ASB10: variants seen among roughly 807,000 people sequenced by gnomAD.
ASB10 encodes ankyrin repeat and SOCS box protein 10.
Under a neutral mutation model 35.4 loss-of-function variants are expected in ASB10, and 44 were observed. The ratio of observed to expected loss-of-function variants is 1.24; its 90% CI spans 0.98 to 1.60. ASB10 has a LOEUF of 1.60. Among genes scored for constraint, ASB10 ranks in the 40% most tolerant of loss-of-function variants. ASB10 has a pLI of 0.00. For missense variants in ASB10, 647 were observed against 634.3 expected, an observed-to-expected ratio of 1.02 and a Z score of -0.22; for synonymous variants, 294 against 280.4, an observed-to-expected ratio of 1.05 and a Z score of -0.49.
At chr7:151,180,555 A>T (rs1466559238) in intron 3 of ASB10, among the ~76,000 whole-genome samples, 1 of 152,130 alleles carries the variant, frequency 6.6e-6, no homozygotes, top group Non-Finnish European at 1.5e-5. Flanking sequence ...TGTGCTGATG[A>T]AGACCCTTAA....
At chr7:151,178,443 G>A (rs1455017714) in intron 3 of ASB10, among the ~76,000 whole-genome samples, 6 of 152,218 alleles carry the variant, frequency 3.9e-5, no homozygotes, top group East Asian at 1.9e-4. Flanking sequence ...TAAGACACCC[G>A]CTTGTGCCTG....
Position 151,176,102 on chromosome 7 carries a change from C to T in ASB10, c.*10G>A, listed in dbSNP as rs778473104. 3 of 1,609,920 alleles carry T rather than the reference C, an allele frequency of 1.9e-6. No individual in the cohort carries two copies. The highest frequency in any genetic ancestry group is 1.1e-5 in the South Asian group (1 of 90,908). On this transcript the variant is annotated intron_variant, in intron 5 of 5. Coordinates refer to ENST00000420175, the MANE Select transcript of ASB10 (RefSeq NM_001142459.2). Reference sequence around the variant, plus strand: ...AGCAGCTGTGACTGCTCACAGATCCCGGGGCTCACCTAGTAGAGCACGCCC... The same window carrying T: ...AGCAGCTGTGACTGCTCACAGATCCTGGGGCTCACCTAGTAGAGCACGCCC...
At chr7:151,179,882 A>G (rs1801454397) in intron 3 of ASB10, among the ~76,000 whole-genome samples, 1 of 152,236 alleles carries the variant, frequency 6.6e-6, no homozygotes, top group Non-Finnish European at 1.5e-5. Flanking sequence ...TAGTGTTAAT[A>G]GGAGATTAAT....
chr7:151,187,519 C>T (rs104886469), upstream of ASB10: 80 of 1,551,414 alleles, frequency 5.2e-5, no homozygotes, highest in Admixed American at 2.0e-4. The surrounding 1 kb of genome is among the most constrained non-coding windows in gnomAD (Gnocchi z 5.3). Context: ...CTGTGCTGTG[C>T]GGGGGGAACA....
In ASB10 at chr7:151,187,171, G is replaced by A. The variant is rs1036358505; in HGVS notation, c.-41C>T. 6 of 1,549,970 alleles carry A rather than the reference G, an allele frequency of 3.9e-6. No individual in the cohort carries two copies. The East Asian group carries it at 1.2e-4, about 31-fold the overall frequency. ...GGAGTGGGGAGGAGGAGAGGTATATGCCAAAGGCAGAGAGAGAGAGAGAGA... is the reference window on the plus strand; with the variant it reads ...GGAGTGGGGAGGAGGAGAGGTATATACCAAAGGCAGAGAGAGAGAGAGAGA... On this transcript the variant is annotated 5_prime_UTR_variant, in exon 1 of 6. Coordinates refer to ENST00000420175, the MANE Select transcript of ASB10 (RefSeq NM_001142459.2). This position sits in a 1 kb window ranked among gnomAD's most constrained non-coding sequence, Gnocchi z 5.3.
Position 151,186,556 on chromosome 7 carries a change from T to A in ASB10, c.420A>T (p.Ala140=), listed in dbSNP as rs1483856733. Residue 140 remains alanine, a synonymous_variant, in exon 2 of 6, where the codon GCA becomes GCT. Coordinates refer to ENST00000420175, the MANE Select transcript of ASB10 (RefSeq NM_001142459.2). ...EVLRLLLRRR[A]RPDSAPGGRT... ...GGCCCCCAGGGGCACTGTCTGGCCTTGCTCGCCGCCTCAGCAGCAGCCGCA... is the reference window on the plus strand; with the variant it reads ...GGCCCCCAGGGGCACTGTCTGGCCTAGCTCGCCGCCTCAGCAGCAGCCGCA... 1 of 1,604,586 alleles carries A rather than the reference T, an allele frequency of 6.2e-7. No individual in the cohort carries two copies. The highest frequency in any genetic ancestry group is 2.2e-5 in the East Asian group (1 of 44,446).
rs564809133 is a variant in ASB10, at chr7:151,176,641, G to A, written c.1140C>T (p.Ile380=). The A allele has an allele frequency of 7.7e-5, 120 of 1,551,340 alleles. No individual in the cohort carries two copies. Among genetic ancestry groups the A allele is most frequent in the Non-Finnish European group, 9.6e-5 (110 of 1,146,966 alleles). ...LERWSTCPRT[I]EVLMNTYSVV... is the part of the protein sequence containing the mutation. ...CACTGTAGGTGTTCATCAGGACCTC[G>A]ATGGTCCGAGGGCACGTGCTCCAGC... The change falls in exon 4 of 6, where the codon ATC becomes ATT. Residue 380 remains isoleucine, a synonymous_variant. Coordinates refer to ENST00000420175, the MANE Select transcript of ASB10 (RefSeq NM_001142459.2).
Position 151,186,456 on chromosome 7 carries a change from G to C in ASB10, c.520C>G (p.Pro174Ala). ...TTCCCATCCTGGTCAGCGATGTTGGGGTCGGCTCCTGCCACCAGCAGCACA... is the reference window on the plus strand; with the variant it reads ...TTCCCATCCTGGTCAGCGATGTTGGCGTCGGCTCCTGCCACCAGCAGCACA... ...VHVLLVAGAD[P>A]NIADQDGKRP... The change falls in exon 2 of 6, where the codon CCC becomes GCC. Residue 174 changes from proline to alanine, a missense_variant. By Grantham distance (27) the Pro-to-Ala change is conservative (BLOSUM62 -1). Coordinates refer to ENST00000420175, the MANE Select transcript of ASB10 (RefSeq NM_001142459.2). 3 of 1,593,410 alleles carry C rather than the reference G, an allele frequency of 1.9e-6. No homozygotes were observed.
intron 3 of ASB10, among the ~76,000 whole-genome samples, chr7:151,178,871 C>G (rs1413229573): frequency 6.6e-6 from 1 of 152,196 alleles, no homozygotes; most frequent in Non-Finnish European, 1.5e-5. Context: ...TCCAACTCTC[C>G]TCTCCACCTG....
chr7:151,178,391 C>T (rs571073561), intron 3 of ASB10, among the ~76,000 whole-genome samples: 1 of 152,360 alleles, frequency 6.6e-6, no homozygotes, highest in South Asian at 2.1e-4. Context: ...TGTGGACAGA[C>T]CGTCCACGTG....
At position 151,186,411 on chromosome 7, in the gene ASB10, G is replaced by C; in HGVS notation, c.565C>G (p.Arg189Gly). 6.3e-7 allele frequency: 1 copy of C among 1,587,348 alleles called. No homozygotes were observed. The highest frequency in any genetic ancestry group is 8.6e-7 in the Non-Finnish European group (1 of 1,167,180). ...ACTCACTCAAGGGTGCCAGGCCCCC[G>C]GCAGAGATGCAGGGGGCGTTTCCCA... ...QDGKRPLHLC[R>G]GPGTLECAEL... Residue 189 changes from arginine to glycine, a missense_variant, in exon 2 of 6, where the codon CGG (arginine) becomes GGG (glycine). By Grantham distance (125) the Arg-to-Gly change is moderately radical. Transcript: ENST00000420175.
intron 2 of ASB10, among the ~76,000 whole-genome samples, chr7:151,184,914 C>G (rs1422225047): frequency 6.6e-6 from 1 of 151,558 alleles, no homozygotes; most frequent in Non-Finnish European, 1.5e-5. Flanking sequence ...CCCAGCTACT[C>G]GCGAGGCTGA....
In ASB10 at chr7:151,181,773, C is replaced by T. The variant is rs4725397; in HGVS notation, c.585-315G>A. Among the ~76,000 whole-genome samples the T allele has an allele frequency of 0.25, 38,562 of 151,838 alleles. 4,996 individuals are homozygous for T. Among genetic ancestry groups the T allele is most frequent in the Non-Finnish European group, 0.28 (18,982 of 67,894 alleles). On this transcript the variant is annotated intron_variant, in intron 2 of 5. Coordinates refer to ENST00000420175, the MANE Select transcript of ASB10 (RefSeq NM_001142459.2). ...GATTACAGGCTCCCACCACCACGCC[C>T]GGCTAGTTTTTTGTGTATTTAGTAG...
Position 151,181,410 on chromosome 7 carries a change from G to A in ASB10, c.633C>T (p.Ser211=), listed in dbSNP as rs745705011. Residue 211 remains serine (S), a synonymous_variant, in exon 3 of 6, where the codon TCC becomes TCT. Coordinates refer to ENST00000420175, the MANE Select transcript of ASB10 (RefSeq NM_001142459.2). ...GCAAAGGGGTCTCCTCTTCTTCCTC[G>A]GACCGACCATCCACTCTCGCTCCAA... ...LRFGARVDGR[S]EEEEETPLHV... is the part of the protein sequence containing the mutation. 1.7e-5 allele frequency: 27 copies of A among 1,610,158 alleles called. No homozygotes were observed. The highest frequency in any genetic ancestry group is 5.0e-5 in the Admixed American group (3 of 59,914).
intron 3 of ASB10, 69 bp downstream of exon 3, chr7:151,180,870 C>G (rs542778374): frequency 1.0e-4 from 145 of 1,426,436 alleles, no homozygotes; most frequent in Non-Finnish European, 1.3e-4. Context: ...CAAAGCAAAC[C>G]GGAGCACAGG....
intron 3 of ASB10, 105 bp from the exon 4 acceptor site, chr7:151,176,781 T>C (rs1489743470): frequency 2.6e-6 from 2 of 763,216 alleles, no homozygotes; most frequent in East Asian, 2.7e-5. Flanking sequence ...AAAGATATAT[T>C]GAAGACCTAT....
In ASB10 at chr7:151,186,869, C is replaced by G. The variant is rs1801606880; in HGVS notation, c.262G>C (p.Asp88His). 3 of 1,612,988 alleles carry G rather than the reference C, an allele frequency of 1.9e-6. No homozygotes were observed. Among genetic ancestry groups the G allele is most frequent in the Non-Finnish European group, 2.5e-6 (3 of 1,179,416 alleles). The change falls in exon 1 of 6, where the codon GAT becomes CAT. Residue 88 changes from aspartate (D) to histidine (H), a missense_variant. Coordinates refer to ENST00000420175, the MANE Select transcript of ASB10 (RefSeq NM_001142459.2). ...CTCCATCGCTCTGGGTCGCTGGTAT[C>G]AAAGACGGAATCAGGAGCCAGGCCA... ...STGLAPDSVF[D>H]TSDPERWRDF...
chr7:151,180,812 AAT>A, intron 3 of ASB10, 125 bp downstream of exon 3: 1 of 1,400,464 alleles, frequency 7.1e-7, no homozygotes, highest in Non-Finnish European at 9.3e-7. Flanking sequence ...TTACATGCTG[AAT>A]GAAAGACAGA....
At position 151,187,179 on chromosome 7, in the gene ASB10, CAGAGAG is replaced by C. The variant is rs34383739; in HGVS notation, c.-55_-50del. On this transcript the variant is annotated 5_prime_UTR_variant, in exon 1 of 6. Coordinates refer to ENST00000420175, the MANE Select transcript of ASB10 (RefSeq NM_001142459.2). This position sits in a 1 kb window ranked among gnomAD's most constrained non-coding sequence, Gnocchi z 5.3. Reference sequence around the variant, plus strand: ...GAGGAGGAGAGGTATATGCCAAAGGCAGAGAGAGAGAGAGAGAGCAGGAGGGAAATA... The same window carrying C: ...GAGGAGGAGAGGTATATGCCAAAGGCAGAGAGAGAGAGCAGGAGGGAAATA... 8.1e-5 allele frequency: 121 copies of C among 1,497,150 alleles called. No individual in the cohort carries two copies. In the African/African-American group the frequency reaches 1.3e-3, roughly 16 times the overall value. 92.7% of individuals were successfully genotyped at this position (1,497,150 alleles called of 1,614,324 possible).
Sources: allele counts gnomAD v4.1 joint callset (sites outside exome capture counted in the v4.1 genomes callset), GRCh38; gene constraint gnomAD v4.1.1; non-coding constraint Gnocchi (gnomAD v3.1); transcripts MANE v1.5; gene names NCBI Gene and HGNC (gene_info 2026-07-23, HGNC 2026-07-21).